The following SYNGR4 variants were observed in gnomAD, a reference collection of about 807,000 sequenced individuals.
SYNGR4 encodes synaptogyrin-4.
Under a neutral mutation model 15.5 loss-of-function variants are expected in SYNGR4, and 15 were observed. The observed-to-expected ratio is 0.97, with a 90% CI of 0.65 to 1.49. SYNGR4 has a LOEUF of 1.49. SYNGR4 is among the 40% of genes most tolerant of loss of function. The probability of loss-of-function intolerance (pLI) is 0.00; values close to 1 mark genes in which losing one functional copy is unlikely to be tolerated. For synonymous variants in SYNGR4, 121 were observed against 127.4 expected (o/e 0.95, Z 0.34); for missense variants, 292 against 299.3 (o/e 0.98, Z 0.18).
At chr19:48,365,481 G>T (rs1432490348) in intron 1 of SYNGR4, among the ~76,000 whole-genome samples, 7 of 122,786 alleles carry the variant, frequency 5.7e-5, no homozygotes, top group African/African-American at 2.2e-4. Flanking sequence ...GCCCACAGAA[G>T]CCCCCTCAGC....
intron 1 of SYNGR4, among the ~76,000 whole-genome samples, 199 bp from the exon 2 acceptor site, chr19:48,365,537 G>A (rs1286587167): frequency 4.6e-5 from 6 of 131,098 alleles, no homozygotes; most frequent in African/African-American, 8.9e-5. Flanking sequence ...CCCATCCTAC[G>A]TCCCCGACTT....
At chr19:48,373,009 C>T (rs186624588) in intron 2 of SYNGR4, 101 of 166,558 alleles carry the variant, frequency 6.1e-4, no homozygotes, top group African/African-American at 2.2e-3. Context: ...TCCCATGTCC[C>T]GGGCACTGTG....
At position 48,375,759 on chromosome 19, in the gene SYNGR4, A is replaced by T; in HGVS notation, c.471+7A>T. ...CTTCTCCATCCTTGTCTGGGTGAGG[A>T]CAAGCCCCTCCACCACCCCTCCCTA... is the stretch of plus-strand genomic sequence containing the variant. On this transcript the variant is annotated splice_region_variant and intron_variant, in intron 4 of 4. Coordinates refer to ENST00000344846, the MANE Select transcript of SYNGR4 (RefSeq NM_012451.4). 6.2e-7 allele frequency: 1 copy of T among 1,609,050 alleles called. No individual in the cohort carries two copies. The highest frequency in any genetic ancestry group is 8.5e-7 in the Non-Finnish European group (1 of 1,176,100).
intron 4 of SYNGR4, 100 bp from the exon 5 acceptor site, chr19:48,375,985 C>A (rs752691016): frequency 1.9e-6 from 3 of 1,580,370 alleles, no homozygotes; most frequent in Non-Finnish European, 2.6e-6. Flanking sequence ...GTCCAAACAC[C>A]GGTATCTTTT....
At chr19:48,371,042 C>T (rs549334119) in intron 2 of SYNGR4, among the ~76,000 whole-genome samples, 3 of 152,306 alleles carry the variant, frequency 2.0e-5, no homozygotes, top group South Asian at 2.1e-4. Context: ...TTCCATGGCT[C>T]CCCAAGTCCG....
At position 48,364,475 on chromosome 19, in the gene SYNGR4, T is replaced by A. The variant is rs1330669276; in HGVS notation, c.-170T>A. 6.5e-6 allele frequency: 1 copy of A among 154,726 alleles called. No homozygotes were observed. The highest frequency in any genetic ancestry group is 1.4e-5 in the Non-Finnish European group (1 of 69,128). 9.6% of individuals were successfully genotyped at this position (154,726 alleles called of 1,614,324 possible). A position where few individuals can be genotyped will look rare whatever the true frequency, so the allele number is the denominator to read the frequency against. Reference sequence around the variant, plus strand: ...AGGGGCGGCCCCTTCTCAGGTGCCGTCACCCCCAAACCTCAGCACTGCCAT... The same window carrying A: ...AGGGGCGGCCCCTTCTCAGGTGCCGACACCCCCAAACCTCAGCACTGCCAT... On this transcript the variant is annotated 5_prime_UTR_variant, in exon 1 of 5. Coordinates refer to ENST00000344846, the MANE Select transcript of SYNGR4 (RefSeq NM_012451.4).
intron 2 of SYNGR4, among the ~76,000 whole-genome samples, chr19:48,367,364 TG>T (rs1226648891): frequency 2.1e-5 from 3 of 142,698 alleles, no homozygotes; most frequent in Non-Finnish European, 3.1e-5. Context: ...ACCCGGGAGG[TG>T]GAGCTTGCAG....
Position 48,376,174 on chromosome 19 carries a change from G to A in SYNGR4, c.561G>A (p.Leu187=), listed in dbSNP as rs368372062. The part of the protein sequence containing the change: ...KRFLDEGGMV[L]TTLPLPSANS... ...TCCTGGATGAGGGTGGCATGGTGCT[G>A]ACCACCCTCCCCTTGCCCTCTGCCA... The change falls in exon 5 of 5, where the codon CTG becomes CTA. Residue 187 remains leucine, a synonymous_variant. Coordinates refer to ENST00000344846, the MANE Select transcript of SYNGR4 (RefSeq NM_012451.4). 5.0e-6 allele frequency: 8 copies of A among 1,613,942 alleles called. No individual in the cohort carries two copies. Among genetic ancestry groups the A allele is most frequent in the African/African-American group, 1.3e-5 (1 of 74,880 alleles).
chr19:48,367,854 T>G (rs1208782156), intron 2 of SYNGR4, among the ~76,000 whole-genome samples: 2 of 152,206 alleles, frequency 1.3e-5, no homozygotes, highest in African/African-American at 4.8e-5. Flanking sequence ...GCTCTGACCT[T>G]TAACCTGTGC....
chr19:48,370,431 C>T (rs1402768752), intron 2 of SYNGR4, among the ~76,000 whole-genome samples: 2 of 151,944 alleles, frequency 1.3e-5, no homozygotes, highest in Admixed American at 6.5e-5. Flanking sequence ...TGCAGTGAGC[C>T]GTGATCACGC....
In SYNGR4 at chr19:48,372,326, C is replaced by T. The variant is rs553876034; in HGVS notation, c.94-1191C>T. On this transcript the variant is annotated intron_variant, in intron 2 of 4. Coordinates refer to ENST00000344846, the MANE Select transcript of SYNGR4 (RefSeq NM_012451.4). The stretch of plus-strand genomic sequence containing the variant: ...TGGGTGAGTGTTTATAGAGTGTTTC[C>T]GTGGTTTTTTTAGCAAATACACATA... 7.9e-5 allele frequency among the ~76,000 whole-genome samples: 12 copies of T among 152,090 alleles called. No homozygotes were observed. In the South Asian group the frequency reaches 1.7e-3, roughly 21 times the overall value.
At chr19:48,372,111 C>T (rs944322367) in intron 2 of SYNGR4, among the ~76,000 whole-genome samples, 3 of 152,042 alleles carry the variant, frequency 2.0e-5, no homozygotes, top group Non-Finnish European at 1.5e-5. Context: ...TCTCAAACTC[C>T]TGGCCTGACA....
Position 48,373,720 on chromosome 19 carries a change from G to T in SYNGR4, c.297G>T (p.Lys99Asn). ...QETRIAGTRF[K>N]TAFQLLDFIL... ...CCCGCATTGCCGGCACCCGCTTCAA[G>T]ACAGCCTTCCAGCTCCTGGACTTCA... Residue 99 changes from lysine (K) to asparagine (N), a missense_variant, in exon 3 of 5, where the codon AAG (lysine) becomes AAT (asparagine). Coordinates refer to ENST00000344846, the MANE Select transcript of SYNGR4 (RefSeq NM_012451.4). 6.2e-7 allele frequency: 1 copy of T among 1,614,010 alleles called. No individual in the cohort carries two copies.
intron 2 of SYNGR4, among the ~76,000 whole-genome samples, chr19:48,367,420 G>A (rs1358398154): frequency 1.3e-5 from 2 of 150,834 alleles, no homozygotes; most frequent in Non-Finnish European, 2.9e-5. Flanking sequence ...GCGACAGAGC[G>A]AGACTCCATT....
chr19:48,365,934 G>T lies in SYNGR4; in HGVS notation c.92G>T (p.Gly31Val). 4 of 1,613,354 alleles carry T rather than the reference G, an allele frequency of 2.5e-6. No individual in the cohort carries two copies. The highest frequency in any genetic ancestry group is 3.4e-6 in the Non-Finnish European group (4 of 1,179,876). ...AAGACCATCACGCGGGTCTTCGAAG[G>T]GGTGAGGCCCTCCCATGGCCCGACT... ...RPKTITRVFE[G>V]VFSLIVFSSL... The change falls in exon 2 of 5, where the codon GGG becomes GTG. Residue 31 changes from glycine (G) to valine (V), a missense_variant and splice_region_variant. By Grantham distance (109) the Gly-to-Val change is moderately radical. Coordinates refer to ENST00000344846, the MANE Select transcript of SYNGR4 (RefSeq NM_012451.4).
Position 48,365,933 on chromosome 19 carries a change from G to A in SYNGR4, c.91G>A (p.Gly31Arg), listed in dbSNP as rs775162594. 13 of 1,613,392 alleles carry A rather than the reference G, an allele frequency of 8.1e-6. No homozygotes were observed. The highest frequency in any genetic ancestry group is 1.1e-5 in the Non-Finnish European group (13 of 1,179,898). The change falls in exon 2 of 5, where the codon GGG becomes AGG. Residue 31 changes from glycine to arginine, a missense_variant and splice_region_variant. Coordinates refer to ENST00000344846, the MANE Select transcript of SYNGR4 (RefSeq NM_012451.4). ...CAAGACCATCACGCGGGTCTTCGAA[G>A]GGGTGAGGCCCTCCCATGGCCCGAC... ...RPKTITRVFE[G>R]VFSLIVFSSL...
At chr19:48,365,023 C>T (rs1176763211) in intron 1 of SYNGR4, among the ~76,000 whole-genome samples, 1 of 151,666 alleles carries the variant, frequency 6.6e-6, no homozygotes, top group Non-Finnish European at 1.5e-5. Flanking sequence ...ACTTATGTCC[C>T]CCACTCCTGG....
In SYNGR4 at chr19:48,364,944, G is replaced by T. The variant is rs1022912828; in HGVS notation, c.-108+407G>T. ...CCTGCACTCCACCTCTGGGATCCCTGACAGCCCTCTCGCCCAACAACCCCC... is the reference window on the plus strand; with the variant it reads ...CCTGCACTCCACCTCTGGGATCCCTTACAGCCCTCTCGCCCAACAACCCCC... On this transcript the variant is annotated intron_variant, in intron 1 of 4. Transcript: ENST00000344846. Among the ~76,000 whole-genome samples the T allele has an allele frequency of 1.3e-4, 20 of 151,570 alleles. 1 individual carries two copies. Among genetic ancestry groups the T allele is most frequent in the African/African-American group, 3.4e-4 (14 of 41,176 alleles).
intron 1 of SYNGR4, among the ~76,000 whole-genome samples, chr19:48,365,336 C>T (rs1970185187): frequency 7.8e-6 from 1 of 128,326 alleles, no homozygotes; most frequent in Non-Finnish European, 1.6e-5. Context: ...GCCCTCTCCA[C>T]ACAACACCTT....
Sources: allele counts gnomAD v4.1 joint callset (sites outside exome capture counted in the v4.1 genomes callset), GRCh38; gene constraint gnomAD v4.1.1; transcripts MANE v1.5; gene names NCBI Gene and HGNC (gene_info 2026-07-23, HGNC 2026-07-21).